RPS6KC1: variants seen among roughly 807,000 people sequenced by gnomAD.
RPS6KC1 encodes inactive ribosomal protein S6 kinase delta-1.
In RPS6KC1, 54 loss-of-function variants were observed where a neutral mutation model predicts 103.8. The ratio of observed to expected loss-of-function variants is 0.52; its 90% CI spans 0.42 to 0.65. The LOEUF (loss-of-function observed/expected upper bound fraction) is 0.65, where lower values mean the gene tolerates loss of function less well. Among genes scored for constraint, RPS6KC1 ranks in the 30% least tolerant of loss-of-function variants. The pLI is 0.00. For synonymous variants in RPS6KC1, 439 were observed against 438.7 expected, an observed-to-expected ratio of 1.00 and a Z score of -0.01; for missense variants, 1,151 against 1,253.8, an observed-to-expected ratio of 0.92 and a Z score of 1.24.
At chr1:213,230,009 C>T (rs1307185699) in intron 8 of RPS6KC1, among the ~76,000 whole-genome samples, 1 of 152,108 alleles carries the variant, frequency 6.6e-6, no homozygotes, top group Non-Finnish European at 1.5e-5. Flanking sequence ...CAGGATTTGC[C>T]GGTGGTGGAA....
chr1:213,188,408 T>C (rs756690440), intron 8 of RPS6KC1, among the ~76,000 whole-genome samples: 1 of 151,932 alleles, frequency 6.6e-6, no homozygotes, highest in Non-Finnish European at 1.5e-5. Flanking sequence ...TTCAGAGTTG[T>C]TTTTTGTTTG....
At chr1:213,792,685 C>T in the RPS6KC1 span, among the ~76,000 whole-genome samples, 2 of 152,262 alleles carry the variant, frequency 1.3e-5, no homozygotes, top group Middle Eastern at 3.4e-3. Flanking sequence ...AATGGTATAG[C>T]ACAGTACTCA....
At chr1:213,774,660 G>A in the RPS6KC1 span, among the ~76,000 whole-genome samples, 4 of 152,186 alleles carry the variant, frequency 2.6e-5, no homozygotes, top group Admixed American at 6.5e-5. Context: ...GTTAACTGTG[G>A]AATAGTCCGT....
intron 3 of RPS6KC1, among the ~76,000 whole-genome samples, chr1:213,093,120 A>G (rs1165197902): frequency 6.6e-6 from 1 of 152,074 alleles, no homozygotes; most frequent in Non-Finnish European, 1.5e-5. Context: ...AATAAATGGT[A>G]CCGTTCATTT....
chr1:213,449,906 C>A, the RPS6KC1 span, among the ~76,000 whole-genome samples: 3 of 152,182 alleles, frequency 2.0e-5, no homozygotes, highest in East Asian at 5.8e-4. Context: ...AGAAATTATT[C>A]CAGGCTTTAT....
chr1:213,480,970 C>T, the RPS6KC1 span, among the ~76,000 whole-genome samples: 7,543 of 152,178 alleles, frequency 0.05, 595 homozygotes, highest in African/African-American at 0.16. Context: ...ATTTATGAGA[C>T]AGATCCTTCT....
At chr1:213,166,356 A>G (rs926304753) in intron 6 of RPS6KC1, among the ~76,000 whole-genome samples, 2 of 152,226 alleles carry the variant, frequency 1.3e-5, no homozygotes, top group African/African-American at 4.8e-5. Context: ...AAGGACTAGT[A>G]TTGTGTAGAA....
At chr1:213,444,772 A>G in the RPS6KC1 span, among the ~76,000 whole-genome samples, 1 of 151,720 alleles carries the variant, frequency 6.6e-6, no homozygotes. Flanking sequence ...AGGAAAGAAA[A>G]GAAAAAAGAA....
the RPS6KC1 span, among the ~76,000 whole-genome samples, chr1:213,442,357 A>AC: frequency 6.6e-6 from 1 of 152,216 alleles, no homozygotes; most frequent in Admixed American, 6.5e-5. Context: ...TGTTCAACAG[A>AC]CATTTTTTGA....
chr1:213,687,474 AT>A, the RPS6KC1 span, among the ~76,000 whole-genome samples: 1 of 152,132 alleles, frequency 6.6e-6, no homozygotes, highest in African/African-American at 2.4e-5. Context: ...TTTTACCAGC[AT>A]TTTTTTGAAT....
the RPS6KC1 span, among the ~76,000 whole-genome samples, chr1:213,323,027 G>A: frequency 2.0e-5 from 3 of 148,066 alleles, no homozygotes; most frequent in African/African-American, 7.5e-5. Flanking sequence ...GCCTCCCAAA[G>A]TGCTGGGATT....
chr1:213,443,900 CA>C, the RPS6KC1 span, among the ~76,000 whole-genome samples: 1 of 150,700 alleles, frequency 6.6e-6, no homozygotes, highest in African/African-American at 2.4e-5. Context: ...GACCCTGTCT[CA>C]AAAAAAAAGA....
intron 6 of RPS6KC1, among the ~76,000 whole-genome samples, chr1:213,146,533 C>T (rs539399152): frequency 6.6e-6 from 1 of 151,828 alleles, no homozygotes; most frequent in South Asian, 2.1e-4. Flanking sequence ...AACAGTTCTC[C>T]TGCTCATCCT....
chr1:213,407,046 A>G, the RPS6KC1 span, among the ~76,000 whole-genome samples: 1 of 152,040 alleles, frequency 6.6e-6, no homozygotes, highest in Admixed American at 6.5e-5. Flanking sequence ...CAGGTGTGGG[A>G]GAAAGGAGCC....
the RPS6KC1 span, among the ~76,000 whole-genome samples, chr1:213,668,149 T>C: frequency 6.6e-6 from 1 of 152,222 alleles, no homozygotes; most frequent in Non-Finnish European, 1.5e-5. Flanking sequence ...TGGTGAATCC[T>C]TTCCAGAAGG....
chr1:213,850,550 G>A, the RPS6KC1 span, among the ~76,000 whole-genome samples: 1 of 152,174 alleles, frequency 6.6e-6, no homozygotes, highest in Admixed American at 6.5e-5. Flanking sequence ...TTTCCGATGA[G>A]CTACTAAGCA....
chr1:213,792,084 A>G, the RPS6KC1 span, among the ~76,000 whole-genome samples: 1 of 152,106 alleles, frequency 6.6e-6, no homozygotes, highest in East Asian at 1.9e-4. Flanking sequence ...ATTCCCCAAT[A>G]CTGTGCCCCT....
At chr1:213,592,572 C>T in the RPS6KC1 span, among the ~76,000 whole-genome samples, 1 of 152,188 alleles carries the variant, frequency 6.6e-6, no homozygotes, top group Non-Finnish European at 1.5e-5. Context: ...GTACCTTATT[C>T]ATGTACCACT....
intron 8 of RPS6KC1, among the ~76,000 whole-genome samples, chr1:213,201,570 T>C (rs1212769460): frequency 6.6e-6 from 1 of 152,186 alleles, no homozygotes; most frequent in Non-Finnish European, 1.5e-5. Context: ...AGAACCCTAA[T>C]AGAAACTGTG....
Sources: gnomAD v4.1 joint callset for allele counts (sites outside exome capture counted in the v4.1 genomes callset) on GRCh38, gnomAD v4.1.1 for gene constraint, MANE v1.5 for transcripts, NCBI Gene and HGNC (gene_info 2026-07-23, HGNC 2026-07-21) for gene names.